The following HS6ST3 variants were observed in gnomAD, a reference collection of about 807,000 sequenced individuals.
The protein encoded by HS6ST3 is heparan sulfate 6-O-sulfotransferase 3.
In HS6ST3, 12 loss-of-function variants were observed where a neutral mutation model predicts 36.7. The observed-to-expected ratio is 0.33, with a 90% CI of 0.21 to 0.53. The LOEUF is 0.53. Among genes scored for constraint, HS6ST3 ranks in the 20% least tolerant of loss-of-function variants. HS6ST3 has a pLI of 0.95. For synonymous variants in HS6ST3, 240 were observed against 257.5 expected (o/e 0.93, Z 0.65); for missense variants, 584 against 640.9 (o/e 0.91, Z 0.96).
chr13:96,424,386 ATAT>A (rs1363119081), intron 1 of HS6ST3, among the ~76,000 whole-genome samples: 2 of 152,230 alleles, frequency 1.3e-5, no homozygotes, highest in African/African-American at 4.8e-5. Flanking sequence ...TCATTTAGAA[ATAT>A]TATACACATT....
At chr13:96,438,298 G>A (rs552727602) in intron 1 of HS6ST3, among the ~76,000 whole-genome samples, 1 of 152,146 alleles carries the variant, frequency 6.6e-6, no homozygotes, top group East Asian at 1.9e-4. Flanking sequence ...TGTATTACAT[G>A]CACAAATTTT....
chr13:96,283,841 T>C (rs2054787232), intron 1 of HS6ST3, among the ~76,000 whole-genome samples: 1 of 152,146 alleles, frequency 6.6e-6, no homozygotes. Flanking sequence ...TAGCGGGACC[T>C]GAGGTTCTGT....
At chr13:96,745,313 A>G (rs1462760063) in intron 1 of HS6ST3, among the ~76,000 whole-genome samples, 1 of 152,116 alleles carries the variant, frequency 6.6e-6, no homozygotes, top group Non-Finnish European at 1.5e-5. Flanking sequence ...CTATGGAGGA[A>G]TTAGGTGGAA....
At chr13:96,802,768 C>T (rs2138529364) in intron 1 of HS6ST3, among the ~76,000 whole-genome samples, 2 of 152,298 alleles carry the variant, frequency 1.3e-5, no homozygotes, top group East Asian at 3.9e-4. Context: ...TTCCCCGTGA[C>T]CCAGATGCCC....
At chr13:96,597,813 A>G (rs1801383637) in intron 1 of HS6ST3, among the ~76,000 whole-genome samples, 1 of 152,070 alleles carries the variant, frequency 6.6e-6, no homozygotes, top group South Asian at 2.1e-4. Flanking sequence ...AAGATCTTAG[A>G]TGTAAGTCCT....
At chr13:96,773,778 C>T (rs1877327670) in intron 1 of HS6ST3, among the ~76,000 whole-genome samples, 1 of 152,230 alleles carries the variant, frequency 6.6e-6, no homozygotes, top group South Asian at 2.1e-4. Flanking sequence ...TTCCTGCCTG[C>T]CAGCTCTGAA....
chr13:96,314,993 T>G (rs1241882029), intron 1 of HS6ST3, among the ~76,000 whole-genome samples: 1 of 152,160 alleles, frequency 6.6e-6, no homozygotes, highest in Non-Finnish European at 1.5e-5. Flanking sequence ...TGTCAGAAAC[T>G]ATTAAATTTC....
chr13:96,745,591 A>G (rs2138488181), intron 1 of HS6ST3, among the ~76,000 whole-genome samples: 1 of 152,236 alleles, frequency 6.6e-6, no homozygotes, highest in Admixed American at 6.6e-5. Context: ...CCCCATTGAA[A>G]TTGGTTTGGT....
chr13:96,458,123 T>C (rs2055763387), intron 1 of HS6ST3, among the ~76,000 whole-genome samples: 1 of 152,188 alleles, frequency 6.6e-6, no homozygotes, highest in African/African-American at 2.4e-5. Flanking sequence ...TAAACACAAT[T>C]CCTGCTTTGT....
intron 1 of HS6ST3, among the ~76,000 whole-genome samples, chr13:96,642,172 T>C (rs556654614): frequency 6.6e-5 from 10 of 151,922 alleles, no homozygotes; most frequent in Admixed American, 2.6e-4. Flanking sequence ...TTGCTAGTTT[T>C]CTTTTTATTA....
chr13:96,739,220 T>TGTGTGTGTGTGA (rs1491140312), intron 1 of HS6ST3, among the ~76,000 whole-genome samples: 4 of 13,906 alleles, frequency 2.9e-4, no homozygotes, highest in East Asian at 6.0e-3. Context: ...GACATTTGCT[T>TGTGTGTGTGTGA]GTGTGTGTGT....
At chr13:96,120,807 A>T (rs1426422051) in intron 1 of HS6ST3, among the ~76,000 whole-genome samples, 1 of 152,260 alleles carries the variant, frequency 6.6e-6, no homozygotes. Flanking sequence ...ACAAGAAGCC[A>T]AACAGTGACA....
intron 1 of HS6ST3, among the ~76,000 whole-genome samples, chr13:96,569,605 T>C (rs2056293947): frequency 6.6e-6 from 1 of 152,236 alleles, no homozygotes; most frequent in Non-Finnish European, 1.5e-5. Flanking sequence ...ATTAAATATG[T>C]TAAAAATTGA....
chr13:96,315,412 T>A (rs922616295), intron 1 of HS6ST3, among the ~76,000 whole-genome samples: 1 of 152,142 alleles, frequency 6.6e-6, no homozygotes, highest in Non-Finnish European at 1.5e-5. Context: ...TTACTCAGAG[T>A]GTAAGAATAT....
intron 1 of HS6ST3, among the ~76,000 whole-genome samples, chr13:96,163,766 TGATGTAC>T: frequency 6.6e-6 from 1 of 152,192 alleles, no homozygotes; most frequent in Non-Finnish European, 1.5e-5. Context: ...CTGCACGAAA[TGATGTAC>T]TTAGATCATT....
chr13:96,558,107 T>C (rs1422795794), intron 1 of HS6ST3, among the ~76,000 whole-genome samples: 1 of 152,218 alleles, frequency 6.6e-6, no homozygotes, highest in Non-Finnish European at 1.5e-5. Flanking sequence ...CTTTACCTTT[T>C]TGCTTTTTTA....
intron 1 of HS6ST3, among the ~76,000 whole-genome samples, chr13:96,218,133 AT>A (rs1337880793): frequency 6.6e-6 from 1 of 152,228 alleles, no homozygotes; most frequent in Non-Finnish European, 1.5e-5. Flanking sequence ...CCCAGGGATG[AT>A]TCTGGGACTC....
chr13:96,803,752 C>G (rs748381436), intron 1 of HS6ST3, among the ~76,000 whole-genome samples: 9 of 152,084 alleles, frequency 5.9e-5, no homozygotes, highest in African/African-American at 9.7e-5. Context: ...ATGGGTAATT[C>G]TAGCATCTGG....
At chr13:96,762,054 TTA>T (rs112290854) in intron 1 of HS6ST3, among the ~76,000 whole-genome samples, 1 of 151,350 alleles carries the variant, frequency 6.6e-6, no homozygotes, top group Admixed American at 6.6e-5. Flanking sequence ...TTTTATGTTT[TTA>T]TATATATATA....
Sources: gnomAD v4.1 joint callset for allele counts (sites outside exome capture counted in the v4.1 genomes callset) on GRCh38, gnomAD v4.1.1 for gene constraint, MANE v1.5 for transcripts, NCBI Gene and HGNC (gene_info 2026-07-23, HGNC 2026-07-21) for gene names.